Variants in GLIS3 observed in about 807,000 individuals in gnomAD.
GLIS3 encodes the protein GLIS family zinc finger 3.
Under a neutral mutation model 78.6 loss-of-function variants are expected in GLIS3, and 53 were observed. That is an observed-to-expected ratio of 0.67 (90% CI 0.54 to 0.85). The LOEUF is 0.85. GLIS3 is among the 40% of genes least tolerant of loss of function. The probability of loss-of-function intolerance (pLI) is 0.00; values close to 1 mark genes in which losing one functional copy is unlikely to be tolerated. For synonymous variants in GLIS3, 684 were observed against 509.9 expected (o/e 1.34, Z -4.60); for missense variants, 1,703 against 1,231.1 (o/e 1.38, Z -5.74).
At chr9:4,277,623 C>G (rs1827149735) in intron 2 of GLIS3, among the ~76,000 whole-genome samples, 1 of 152,208 alleles carries the variant, frequency 6.6e-6, no homozygotes, top group African/African-American at 2.4e-5. Flanking sequence ...GAATAACTAA[C>G]TCCCTTTGTC....
chr9:3,979,230 AT>A (rs1379019699), intron 4 of GLIS3, among the ~76,000 whole-genome samples: 2 of 152,114 alleles, frequency 1.3e-5, no homozygotes, highest in Non-Finnish European at 2.9e-5. Flanking sequence ...CAAATCCTCA[AT>A]TCTATCTCCA....
the GLIS3 span, among the ~76,000 whole-genome samples, chr9:4,381,034 T>G: frequency 2.6e-5 from 4 of 152,088 alleles, no homozygotes; most frequent in African/African-American, 7.2e-5. Flanking sequence ...ATGGTCAAAT[T>G]GTTGATGGGT....
chr9:3,975,808 G>T (rs751783276), intron 4 of GLIS3, among the ~76,000 whole-genome samples: 1 of 151,950 alleles, frequency 6.6e-6, no homozygotes, highest in African/African-American at 2.4e-5. Flanking sequence ...AAAACATCAA[G>T]AAATTCAAAA....
At chr9:4,451,219 C>A in the GLIS3 span, among the ~76,000 whole-genome samples, 1 of 152,148 alleles carries the variant, frequency 6.6e-6, no homozygotes, top group African/African-American at 2.4e-5. Context: ...ATAAAACAGA[C>A]TGCAAACCAA....
intron 2 of GLIS3, among the ~76,000 whole-genome samples, chr9:4,164,151 T>C (rs1262656172): frequency 2.6e-5 from 4 of 152,222 alleles, no homozygotes; most frequent in Non-Finnish European, 5.9e-5. Flanking sequence ...TGACAGTGGG[T>C]CATTTAGTGT....
At chr9:4,160,283 C>G (rs762891187) in intron 2 of GLIS3, among the ~76,000 whole-genome samples, 12 of 152,188 alleles carry the variant, frequency 7.9e-5, no homozygotes, top group Non-Finnish European at 1.6e-4. Context: ...AGGAACTGAC[C>G]ACGCTGGCAC....
chr9:4,272,007 T>C (rs1009497261), intron 2 of GLIS3, among the ~76,000 whole-genome samples: 8 of 152,172 alleles, frequency 5.3e-5, no homozygotes, highest in African/African-American at 1.9e-4. Flanking sequence ...AAAGAGAAAA[T>C]GAGCTCCAGG....
chr9:4,259,209 G>A (rs1008000515), intron 2 of GLIS3, among the ~76,000 whole-genome samples: 5 of 151,156 alleles, frequency 3.3e-5, no homozygotes, highest in Middle Eastern at 6.3e-3. Context: ...CAGATTTCAT[G>A]AGATCCAAAG....
At chr9:4,416,252 T>TTTAAAAAAA in the GLIS3 span, among the ~76,000 whole-genome samples, 10 of 75,804 alleles carry the variant, frequency 1.3e-4, 5 homozygotes, top group African/African-American at 4.2e-4. Flanking sequence ...ACACTGTTTT[T>TTTAAAAAAA]AAAAAAAAAA....
chr9:4,318,209 G>A (rs940911279), intron 2 of GLIS3, among the ~76,000 whole-genome samples: 2 of 152,136 alleles, frequency 1.3e-5, no homozygotes, highest in African/African-American at 4.8e-5. Flanking sequence ...AAGTGGGGAG[G>A]TAAGGAAGAG....
the GLIS3 span, among the ~76,000 whole-genome samples, chr9:4,449,374 C>A: frequency 2.6e-5 from 4 of 152,232 alleles, no homozygotes; most frequent in Non-Finnish European, 5.9e-5. Flanking sequence ...CCTCTGTAGA[C>A]CCCACCTCTG....
the GLIS3 span, among the ~76,000 whole-genome samples, chr9:4,390,124 T>C: frequency 2.6e-5 from 4 of 152,242 alleles, no homozygotes; most frequent in Admixed American, 1.3e-4. Flanking sequence ...CGGACATGTA[T>C]AGATGCCTGA....
intron 2 of GLIS3, among the ~76,000 whole-genome samples, chr9:4,273,565 C>T (rs1017452923): frequency 6.6e-6 from 1 of 151,096 alleles, no homozygotes; most frequent in Non-Finnish European, 1.5e-5. Context: ...TGCACTCCAT[C>T]CTGGGTGACA....
chr9:4,032,639 A>G (rs1462347601), intron 4 of GLIS3, among the ~76,000 whole-genome samples: 1 of 152,142 alleles, frequency 6.6e-6, no homozygotes, highest in African/African-American at 2.4e-5. Flanking sequence ...GTGTCAAGTG[A>G]CAAAGGAATA....
intron 6 of GLIS3, 179 bp from the exon 7 acceptor site, chr9:3,899,014 A>G (rs1823085205): frequency 1.3e-6 from 1 of 748,304 alleles, no homozygotes. Flanking sequence ...TCCAATCCTA[A>G]TAACACCTGG....
chr9:4,053,909 G>A (rs1413849333), intron 4 of GLIS3, among the ~76,000 whole-genome samples: 2 of 152,088 alleles, frequency 1.3e-5, no homozygotes, highest in Admixed American at 6.6e-5. Flanking sequence ...TGTTCCTGAG[G>A]TAAAGACAGT....
chr9:4,447,224 T>G, the GLIS3 span, among the ~76,000 whole-genome samples: 3 of 152,044 alleles, frequency 2.0e-5, no homozygotes, highest in African/African-American at 7.2e-5. Context: ...ATTATTTCAT[T>G]TTTTATAGAG....
At chr9:3,979,442 C>T (rs972049929) in intron 4 of GLIS3, among the ~76,000 whole-genome samples, 2 of 152,330 alleles carry the variant, frequency 1.3e-5, no homozygotes, top group South Asian at 2.1e-4. Context: ...ACGCTTCGAG[C>T]GAAGACCACA....
chr9:4,294,022 C>T (rs1417670174), intron 1 of GLIS3, among the ~76,000 whole-genome samples: 1 of 152,166 alleles, frequency 6.6e-6, no homozygotes, highest in African/African-American at 2.4e-5. Flanking sequence ...CTACAAACCG[C>T]CTTAGAGTCC....
Sources: allele counts gnomAD v4.1 joint callset (sites outside exome capture counted in the v4.1 genomes callset), GRCh38; gene constraint gnomAD v4.1.1; transcripts MANE v1.5; gene names NCBI Gene and HGNC (gene_info 2026-07-23, HGNC 2026-07-21).